The following RAPGEF5 variants were observed in gnomAD, a reference collection of about 807,000 sequenced individuals.
The protein encoded by RAPGEF5 is M-Ras-regulated GEF.
A neutral mutation model predicts 125.2 loss-of-function variants in RAPGEF5; 65 were observed. That is an observed-to-expected ratio of 0.52 (90% CI 0.43 to 0.64). RAPGEF5 has a LOEUF of 0.64. Ranked by LOEUF, RAPGEF5 falls within the 30% of genes least tolerant of loss-of-function variation. The pLI, the probability that RAPGEF5 is intolerant of heterozygous loss-of-function variation, is 0.00. For missense variants in RAPGEF5, 958 were observed against 1,048.1 expected, an observed-to-expected ratio of 0.91 and a Z score of 1.19; for synonymous variants, 391 against 385.9, an observed-to-expected ratio of 1.01 and a Z score of -0.16.
chr7:22,157,993 T>TA lies in RAPGEF5; in HGVS notation c.1527-109dup. 7.4e-5 allele frequency: 72 copies of TA among 970,740 alleles called. 1 individual carries two copies. Among genetic ancestry groups the TA allele is most frequent in the South Asian group, 2.6e-4 (17 of 65,730 alleles). 60.1% of individuals were successfully genotyped at this position (970,740 alleles called of 1,614,324 possible). A position where few individuals can be genotyped will look rare whatever the true frequency, so the allele number is the denominator to read the frequency against. ...GCACTAGGCAGAGGATTTTGCTCTT[T>TA]AAAAAAAATAAAACACAGTATTCAT... On this transcript the variant is annotated intron_variant, in intron 14 of 25. Coordinates refer to ENST00000665637, the MANE Select transcript of RAPGEF5 (RefSeq NM_012294.5).
At chr7:22,333,815 G>A (rs1219605779) in intron 1 of RAPGEF5, among the ~76,000 whole-genome samples, 2 of 152,226 alleles carry the variant, frequency 1.3e-5, no homozygotes, top group African/African-American at 2.4e-5. Flanking sequence ...CACTGTATAG[G>A]TGCTCTTGTG....
intron 24 of RAPGEF5, 110 bp downstream of exon 24, chr7:22,130,927 C>A: frequency 7.1e-7 from 1 of 1,416,436 alleles, no homozygotes; most frequent in Non-Finnish European, 9.5e-7. Context: ...CTTGAATTCG[C>A]CATGCATCCA....
chr7:22,290,206 A>G (rs1245899585), intron 6 of RAPGEF5, among the ~76,000 whole-genome samples: 2 of 152,190 alleles, frequency 1.3e-5, no homozygotes, highest in East Asian at 1.9e-4. Context: ...ACATAACCCA[A>G]TCAACCATGA....
intron 9 of RAPGEF5, among the ~76,000 whole-genome samples, chr7:22,210,372 G>A (rs545412357): frequency 6.6e-6 from 1 of 152,300 alleles, no homozygotes; most frequent in Admixed American, 6.5e-5. Context: ...CCTAGCCAAG[G>A]CAAGATCATG....
intron 1 of RAPGEF5, among the ~76,000 whole-genome samples, chr7:22,339,784 C>A (rs1784092120): frequency 6.6e-6 from 1 of 152,234 alleles, no homozygotes; most frequent in Non-Finnish European, 1.5e-5. Context: ...TTGACTTTCA[C>A]AATTTCACTT....
At chr7:22,343,236 C>T (rs1164964951) in intron 1 of RAPGEF5, among the ~76,000 whole-genome samples, 1 of 152,128 alleles carries the variant, frequency 6.6e-6, no homozygotes, top group Non-Finnish European at 1.5e-5. Flanking sequence ...TTCACTATCA[C>T]AAGAACAGCA....
At chr7:22,261,038 A>G (rs1056443271) in intron 7 of RAPGEF5, among the ~76,000 whole-genome samples, 1 of 152,222 alleles carries the variant, frequency 6.6e-6, no homozygotes, top group Non-Finnish European at 1.5e-5. Flanking sequence ...TAAGGAAAAC[A>G]TTTTGATTTC....
intron 2 of RAPGEF5, 92 bp downstream of exon 2, chr7:22,317,895 G>A (rs1783635064): frequency 2.6e-6 from 4 of 1,510,440 alleles, no homozygotes; most frequent in Admixed American, 4.3e-5. Context: ...ATGTGGTCAG[G>A]AGCAAAGGGA....
chr7:22,151,450 G>A, intron 17 of RAPGEF5, among the ~76,000 whole-genome samples: 1 of 142,084 alleles, frequency 7.0e-6, no homozygotes, highest in Non-Finnish European at 1.5e-5. Context: ...GACCAACACT[G>A]ATCATTACTT....
intron 6 of RAPGEF5, among the ~76,000 whole-genome samples, chr7:22,280,875 T>C (rs1238682540): frequency 1.3e-5 from 2 of 152,202 alleles, no homozygotes; most frequent in East Asian, 3.8e-4. Flanking sequence ...TCAAACAATC[T>C]AGGTGAGGAA....
At chr7:22,133,964 G>C (rs1229827784) in intron 23 of RAPGEF5, among the ~76,000 whole-genome samples, 1 of 152,044 alleles carries the variant, frequency 6.6e-6, no homozygotes, top group African/African-American at 2.4e-5. Context: ...CAATATGGGG[G>C]GCCTAATCCT....
At chr7:22,339,466 G>T (rs73683355) in intron 1 of RAPGEF5, among the ~76,000 whole-genome samples, 2 of 152,030 alleles carry the variant, frequency 1.3e-5, no homozygotes, top group Non-Finnish European at 1.5e-5. Context: ...GTTAAACTAC[G>T]AAGTTTTTGT....
intron 1 of RAPGEF5, among the ~76,000 whole-genome samples, chr7:22,340,650 C>T (rs1183963682): frequency 2.6e-5 from 4 of 152,226 alleles, no homozygotes; most frequent in Non-Finnish European, 4.4e-5. Flanking sequence ...TTCCTCCACA[C>T]TGAGCTCCTC....
At chr7:22,350,416 T>C (rs1357454420) in intron 1 of RAPGEF5, among the ~76,000 whole-genome samples, 1 of 152,230 alleles carries the variant, frequency 6.6e-6, no homozygotes, top group Non-Finnish European at 1.5e-5. Flanking sequence ...TAGATTTCTA[T>C]AAATATGTCC....
chr7:22,245,300 AAGC>A (rs763738085), intron 7 of RAPGEF5, among the ~76,000 whole-genome samples: 8 of 152,218 alleles, frequency 5.3e-5, no homozygotes, highest in Non-Finnish European at 7.4e-5. Flanking sequence ...TCTTGTGCAG[AAGC>A]TTCTTAGTTT....
intron 25 of RAPGEF5, 131 bp downstream of exon 25, chr7:22,125,473 T>TAC (rs1443003266): frequency 2.5e-6 from 2 of 814,330 alleles, no homozygotes; most frequent in Admixed American, 4.1e-5. Context: ...ACTATATATA[T>TAC]ACAATATGCG....
In RAPGEF5 at chr7:22,146,907, G is replaced by A; in HGVS notation, c.1997C>T (p.Ser666Leu). ...LMNFDWSLFN[S>L]IHEQELIYFT... ...TCACTCCTCATTTACCTCGTGAATT[G>A]AATTGAATAGACTCCAATCAAAATT... Residue 666 changes from serine to leucine, a missense_variant, in exon 19 of 26, where the codon TCA becomes TTA. By Grantham distance (145) the Ser-to-Leu change is moderately radical (BLOSUM62 -2). Transcript: ENST00000665637. 1.2e-6 allele frequency: 2 copies of A among 1,611,268 alleles called. No individual in the cohort carries two copies. Among genetic ancestry groups the A allele is most frequent in the Non-Finnish European group, 1.7e-6 (2 of 1,179,256 alleles).
In RAPGEF5 at chr7:22,119,284, ACTGAC is replaced by A. The variant is rs1215068033; in HGVS notation, c.*3117_*3121del. On this transcript the variant is annotated 3_prime_UTR_variant, in exon 26 of 26. Transcript: ENST00000665637. The surrounding 1 kb of genome is among the most constrained non-coding windows in gnomAD (Gnocchi z 4.1). ...TCCCTGTGGACTAGGCAGTGTGAGC[ACTGAC>A]CTTATCCACATGCTTCTAAATTCGG... 2.0e-5 allele frequency: 3 copies of A among 152,186 alleles called. No individual in the cohort carries two copies. The highest frequency in any genetic ancestry group is 2.9e-5 in the Non-Finnish European group (2 of 68,036). 9.4% of individuals were successfully genotyped at this position (152,186 alleles called of 1,614,324 possible).
intron 7 of RAPGEF5, among the ~76,000 whole-genome samples, chr7:22,250,066 T>C (rs992709939): frequency 6.6e-6 from 1 of 152,184 alleles, no homozygotes; most frequent in African/African-American, 2.4e-5. Context: ...AGTATCTATC[T>C]ATCTATGGTT....
Sources: allele counts gnomAD v4.1 joint callset (sites outside exome capture counted in the v4.1 genomes callset), GRCh38; gene constraint gnomAD v4.1.1; non-coding constraint Gnocchi (gnomAD v3.1); transcripts MANE v1.5; gene names NCBI Gene and HGNC (gene_info 2026-07-23, HGNC 2026-07-21).